COL7A1: variants seen among roughly 807,000 people sequenced by gnomAD.
COL7A1 encodes collagen alpha-1(VII) chain.
In COL7A1, 296 loss-of-function variants were observed where a neutral mutation model predicts 456.2. The ratio of observed to expected loss-of-function variants is 0.65; its 90% CI spans 0.59 to 0.71. COL7A1 has a LOEUF of 0.71. COL7A1 is among the 30% of genes least tolerant of loss of function. The pLI is 0.00. For synonymous variants in COL7A1, 1,464 were observed against 1,525.9 expected (o/e 0.96, Z 0.95); for missense variants, 3,441 against 4,017.2 (o/e 0.86, Z 3.88).
Position 48,567,288 on chromosome 3 carries a change from C to G in COL7A1, c.8047-98G>C. The G allele has an allele frequency of 6.8e-7, 1 of 1,459,968 alleles. No homozygotes were observed. The highest frequency in any genetic ancestry group is 9.5e-7 in the Non-Finnish European group (1 of 1,050,888). The allele number at this position is 1,459,968 out of a possible 1,614,324, so 90.4% of individuals were successfully genotyped here. ...TGAGCTCCCTGGCCTAATGCCCAAACCTTCTGTAACCCAAGCACCTGTGAG... is the reference window on the plus strand; with the variant it reads ...TGAGCTCCCTGGCCTAATGCCCAAAGCTTCTGTAACCCAAGCACCTGTGAG... On this transcript the variant is annotated intron_variant, in intron 109 of 118. Transcript: ENST00000681320. This position sits in a 1 kb window ranked among gnomAD's most constrained non-coding sequence, Gnocchi z 4.3.
chr3:48,583,446 G>A lies in COL7A1; in HGVS notation c.4402-18C>T. 1.2e-6 allele frequency: 2 copies of A among 1,614,150 alleles called. No individual in the cohort carries two copies. Among genetic ancestry groups the A allele is most frequent in the Non-Finnish European group, 8.5e-7 (1 of 1,180,018 alleles). On this transcript the variant is annotated intron_variant, in intron 41 of 118. Transcript: ENST00000681320. The surrounding 1 kb of genome is among the most constrained non-coding windows in gnomAD (Gnocchi z 5.1). The stretch of plus-strand genomic sequence containing the variant: ...CGTGGGCCCTGGAAGGGATGAATTT[G>A]GGGGTTCAGAGATTTGGGTTTGGGC...
In COL7A1 at chr3:48,591,987, G is replaced by C. The variant is rs147947287; in HGVS notation, c.1268C>G (p.Pro423Arg). The C allele has an allele frequency of 6.2e-7, 1 of 1,614,200 alleles. No individual in the cohort carries two copies. Among genetic ancestry groups the C allele is most frequent in the Admixed American group, 1.7e-5 (1 of 60,034 alleles). The change falls in exon 11 of 119, where the codon CCG (proline) becomes CGG (arginine). Residue 423 changes from proline to arginine, a missense_variant. Physicochemically the swap from Pro to Arg is moderately radical, Grantham distance 103. Around this residue, in one of 3 missense-constraint regions of COL7A1, gnomAD observed 913 missense variants for 1,088.2 expected, o/e 0.84. Coordinates refer to ENST00000681320, the MANE Select transcript of COL7A1 (RefSeq NM_000094.4). The surrounding 1 kb of genome is among the most constrained non-coding windows in gnomAD (Gnocchi z 7.0). ...GATGGATGTGGGGCCCAGGATGACC[G>C]GGCGCAGGGTCTGCTCAACAGAAGC... ...TDASVEQTLR[P>R]VILGPTSILL... is the part of the protein sequence containing the mutation.
chr3:48,566,166 C>T lies in COL7A1; in HGVS notation c.8407+101G>A, dbSNP rs997284612. ...GTCCTTCTGTGTATCCATCCATCCCCCCATCTTCTTGACTGCTTGCCCTGT... is the reference window on the plus strand; with the variant it reads ...GTCCTTCTGTGTATCCATCCATCCCTCCATCTTCTTGACTGCTTGCCCTGT... On this transcript the variant is annotated intron_variant, in intron 114 of 118. Coordinates refer to ENST00000681320, the MANE Select transcript of COL7A1 (RefSeq NM_000094.4). This position sits in a 1 kb window ranked among gnomAD's most constrained non-coding sequence, Gnocchi z 5.9. 14 of 1,250,056 alleles carry T rather than the reference C, an allele frequency of 1.1e-5. No homozygotes were observed. Among genetic ancestry groups the T allele is most frequent in the Admixed American group, 4.0e-5 (2 of 50,558 alleles). The allele number at this position is 1,250,056 out of a possible 1,614,324, so 77.4% of individuals were successfully genotyped here.
chr3:48,584,128 G>T, intron 37 of COL7A1, 67 bp from the exon 38 acceptor site: 1 of 1,612,776 alleles, frequency 6.2e-7, no homozygotes, highest in Admixed American at 1.7e-5. Context: ...CAGGAGTGAT[G>T]AGGGTCATGG....
rs2043676503 is a variant in COL7A1, at chr3:48,567,825, A to C, written c.7929+13T>G. Reference sequence around the variant, plus strand: ...CAGGCCACGTAGCCCCCCAGCCCCCATCCCCTCTGTACCTTGTCTCCCTTC... The same window carrying C: ...CAGGCCACGTAGCCCCCCAGCCCCCCTCCCCTCTGTACCTTGTCTCCCTTC... On this transcript the variant is annotated intron_variant, in intron 107 of 118. Transcript: ENST00000681320. The surrounding 1 kb of genome is among the most constrained non-coding windows in gnomAD (Gnocchi z 4.3). 2 of 1,610,826 alleles carry C rather than the reference A, an allele frequency of 1.2e-6. No homozygotes were observed. Among genetic ancestry groups the C allele is most frequent in the East Asian group, 2.2e-5 (1 of 44,758 alleles).
In COL7A1 at chr3:48,590,414, C is replaced by T. The variant is rs779045670; in HGVS notation, c.1906+45G>A. ...TGCCTGTCCCCTCTGGCACCCATAC[C>T]CTCATTGGTCCCTTTGGCAGTCCCC... On this transcript the variant is annotated intron_variant, in intron 15 of 118. Transcript: ENST00000681320. This position sits in a 1 kb window ranked among gnomAD's most constrained non-coding sequence, Gnocchi z 4.6. The T allele has an allele frequency of 3.1e-6, 5 of 1,613,906 alleles. No homozygotes were observed. Among genetic ancestry groups the T allele is most frequent in the East Asian group, 2.2e-5 (1 of 44,896 alleles).
Position 48,587,485 on chromosome 3 carries a change from C to T in COL7A1, c.2927G>A (p.Trp976Ter), listed in dbSNP as rs756173722. The T allele has an allele frequency of 1.2e-6, 2 of 1,613,342 alleles. No homozygotes were observed. Among genetic ancestry groups the T allele is most frequent in the South Asian group, 2.2e-5 (2 of 91,080 alleles). ...GCTGGATGCCCTGGACACTGGAGTC[C>T]AGGCCAAAGTCACCGAGTCGATCGA... ...DTSIDSVTLA[W>*]TPVSRASSYI... Residue 976 changes from tryptophan (W) to a stop codon, truncating the protein, a stop_gained, in exon 23 of 119, where the codon TGG (tryptophan) becomes TAG (stop). Transcript: ENST00000681320. LOFTEE classifies it high-confidence loss of function. This position sits in a 1 kb window ranked among gnomAD's most constrained non-coding sequence, Gnocchi z 6.1.
In COL7A1 at chr3:48,568,789, G is replaced by T; in HGVS notation, c.7753C>A (p.Pro2585Thr). ...GGGCCTGGGGCAGAACTTGCCTGGG[G>T]TCCCAGGAGTCCACGCAGTCCTGGC... The part of the protein sequence containing the change: ...GLPGLRGLLG[P>T]QGQPGAAGIP... The change falls in exon 104 of 119, where the codon CCC becomes ACC. Residue 2585 changes from proline to threonine, a missense_variant. Physicochemically the swap from Pro to Thr is conservative, Grantham distance 38. Coordinates refer to ENST00000681320, the MANE Select transcript of COL7A1 (RefSeq NM_000094.4). The surrounding 1 kb of genome is among the most constrained non-coding windows in gnomAD (Gnocchi z 5.2). 6.4e-7 allele frequency: 1 copy of T among 1,567,878 alleles called. No homozygotes were observed. The highest frequency in any genetic ancestry group is 8.7e-7 in the Non-Finnish European group (1 of 1,155,384).
In COL7A1 at chr3:48,564,305, A is replaced by C. The variant is rs2043510803; in HGVS notation, c.*101T>G. 2.2e-6 allele frequency: 3 copies of C among 1,378,346 alleles called. No homozygotes were observed. The Admixed American group carries it at 5.1e-5, about 23-fold the overall frequency. 85.4% of individuals were successfully genotyped at this position (1,378,346 alleles called of 1,614,324 possible). A position where few individuals can be genotyped will look rare whatever the true frequency, so the allele number is the denominator to read the frequency against. Reference sequence around the variant, plus strand: ...ATAACGGACGTGCACACGCACGCTCACGTGCACACAAGCCTCTAGCACCAA... The same window carrying C: ...ATAACGGACGTGCACACGCACGCTCCCGTGCACACAAGCCTCTAGCACCAA... On this transcript the variant is annotated 3_prime_UTR_variant, in exon 119 of 119. Coordinates refer to ENST00000681320, the MANE Select transcript of COL7A1 (RefSeq NM_000094.4). This position sits in a 1 kb window ranked among gnomAD's most constrained non-coding sequence, Gnocchi z 6.0.
In COL7A1 at chr3:48,591,720, A is replaced by C. The variant is rs2045714432; in HGVS notation, c.1460T>G (p.Leu487Arg). The change falls in exon 12 of 119, where the codon CTG becomes CGG. Residue 487 changes from leucine to arginine, a missense_variant. Around this residue, in one of 3 missense-constraint regions of COL7A1, gnomAD observed 913 missense variants for 1,088.2 expected, o/e 0.84. Transcript: ENST00000681320. The surrounding 1 kb of genome is among the most constrained non-coding windows in gnomAD (Gnocchi z 7.0). ...GGTGGCCACCTCGTGGCCCTCCAGC[A>C]GAGTGTAGAGTGTGAGGCGGTACTC... The part of the protein sequence containing the change: ...GTEYRLTLYT[L>R]LEGHEVATPA... The C allele has an allele frequency of 6.2e-7, 1 of 1,614,164 alleles. No homozygotes were observed. The highest frequency in any genetic ancestry group is 1.3e-5 in the African/African-American group (1 of 75,060).
chr3:48,568,796 G>T lies in COL7A1; in HGVS notation c.7746C>A (p.Leu2582=), dbSNP rs567022011. ...GSAGLPGLRG[L]LGPQGQPGAA... ...GGGCAGAACTTGCCTGGGGTCCCAG[G>T]AGTCCACGCAGTCCTGGCAACCCGG... The change falls in exon 104 of 119, where the codon CTC becomes CTA. Residue 2582 remains leucine (L), a synonymous_variant. Coordinates refer to ENST00000681320, the MANE Select transcript of COL7A1 (RefSeq NM_000094.4). The surrounding 1 kb of genome is among the most constrained non-coding windows in gnomAD (Gnocchi z 5.2). The T allele has an allele frequency of 2.6e-5, 41 of 1,570,610 alleles. No homozygotes were observed. The highest frequency in any genetic ancestry group is 3.5e-5 in the Non-Finnish European group (41 of 1,156,880).
rs750672661 is a variant in COL7A1 at position 48,569,803 on chromosome 3, C to T, written c.7522-43G>A. 1.9e-5 allele frequency: 30 copies of T among 1,614,014 alleles called. No homozygotes were observed. The Admixed American group carries it at 3.0e-4, about 16-fold the overall frequency. On this transcript the variant is annotated intron_variant, in intron 100 of 118. Transcript: ENST00000681320. The surrounding 1 kb of genome is among the most constrained non-coding windows in gnomAD (Gnocchi z 4.9). ...GTGAGTCCCGCCCAAACTGGGGAGGCCCCGCACCTGAATTCTAATATCATA... is the reference window on the plus strand; with the variant it reads ...GTGAGTCCCGCCCAAACTGGGGAGGTCCCGCACCTGAATTCTAATATCATA...
rs1316525597 is a variant in COL7A1 at position 48,591,175 on chromosome 3, G to A, written c.1636+289C>T. 6.6e-6 allele frequency among the ~76,000 whole-genome samples: 1 copy of A among 152,160 alleles called. No individual in the cohort carries two copies. Among genetic ancestry groups the A allele is most frequent in the Non-Finnish European group, 1.5e-5 (1 of 68,022 alleles). On this transcript the variant is annotated intron_variant, in intron 13 of 118. Coordinates refer to ENST00000681320, the MANE Select transcript of COL7A1 (RefSeq NM_000094.4). The surrounding 1 kb of genome is among the most constrained non-coding windows in gnomAD (Gnocchi z 7.0). ...TGCAATGAGAGGTTGGTGTACAGTG[G>A]TCACCACTAGGGTAACAGAAAGACA...
rs746399692 is a variant in COL7A1 at position 48,587,183 on chromosome 3, A to G, written c.3139+7T>C. On this transcript the variant is annotated splice_region_variant and intron_variant, in intron 24 of 118. Coordinates refer to ENST00000681320, the MANE Select transcript of COL7A1 (RefSeq NM_000094.4). The surrounding 1 kb of genome is among the most constrained non-coding windows in gnomAD (Gnocchi z 6.1). ...CCTTTCTGCCCTTCCCACTACGCCC[A>G]CTATACCTGGCGTCTGTGTGACAGA... 1.9e-6 allele frequency: 3 copies of G among 1,613,178 alleles called. No homozygotes were observed. In the African/African-American group the frequency reaches 4.0e-5, roughly 22 times the overall value.
In COL7A1 at chr3:48,581,897, C is replaced by T. The variant is rs2044786331; in HGVS notation, c.4668+14G>A. The T allele has an allele frequency of 3.1e-6, 5 of 1,614,102 alleles. No individual in the cohort carries two copies. Among genetic ancestry groups the T allele is most frequent in the Middle Eastern group, 3.3e-4 (2 of 6,062 alleles). On this transcript the variant is annotated intron_variant, in intron 48 of 118. Coordinates refer to ENST00000681320, the MANE Select transcript of COL7A1 (RefSeq NM_000094.4). This position sits in a 1 kb window ranked among gnomAD's most constrained non-coding sequence, Gnocchi z 5.8. ...ACCCTGTAGAAACCTCCCCTTGCCC[C>T]ATACCAGGCTTACCTTTTCTCCTTT... is the stretch of plus-strand genomic sequence containing the variant.
Position 48,587,928 on chromosome 3 carries a change from G to C in COL7A1, c.2722C>G (p.Gln908Glu). The stretch of plus-strand genomic sequence containing the variant: ...AGCTCGGGCCCCAGGACCCGGGACT[G>C]TTCCTGGCCACCTGGGGCAGGCGTG... Reference protein sequence around the residue: ...LHWQPEGGQEQSRVLGPELSS... With the variant: ...LHWQPEGGQEESRVLGPELSS... The change falls in exon 22 of 119, where the codon CAG becomes GAG. Residue 908 changes from glutamine (Q) to glutamate (E), a missense_variant. Transcript: ENST00000681320. The surrounding 1 kb of genome is among the most constrained non-coding windows in gnomAD (Gnocchi z 6.1). 3 of 1,596,050 alleles carry C rather than the reference G, an allele frequency of 1.9e-6. No homozygotes were observed. Among genetic ancestry groups the C allele is most frequent in the South Asian group, 2.3e-5 (2 of 88,818 alleles).
In COL7A1 at chr3:48,579,812, T is replaced by C; in HGVS notation, c.5127A>G (p.Val1709=). The C allele has an allele frequency of 6.2e-7, 1 of 1,613,956 alleles. No homozygotes were observed. The highest frequency in any genetic ancestry group is 8.5e-7 in the Non-Finnish European group (1 of 1,179,976). The change falls in exon 58 of 119, where the codon GTA becomes GTG. Residue 1709 remains valine, a splice_region_variant and synonymous_variant. Coordinates refer to ENST00000681320, the MANE Select transcript of COL7A1 (RefSeq NM_000094.4). This position sits in a 1 kb window ranked among gnomAD's most constrained non-coding sequence, Gnocchi z 4.4. ...TCTCTCTGGCTCCAGGTCCTGTGTC[T>C]ACCTGTGGGGGGAATGACCAGTGAG... ...PGPPGPPGRL[V]DTGPGAREKG...
chr3:48,580,793 T>C lies in COL7A1; in HGVS notation c.4980+89A>G. On this transcript the variant is annotated intron_variant, in intron 54 of 118. Transcript: ENST00000681320. The surrounding 1 kb of genome is among the most constrained non-coding windows in gnomAD (Gnocchi z 4.5). Reference sequence around the variant, plus strand: ...TCACCCCATGCCTCCCTGCAGGGACTCCCATCACCCCTTACCCCCCTCAGC... The same window carrying C: ...TCACCCCATGCCTCCCTGCAGGGACCCCCATCACCCCTTACCCCCCTCAGC... 6.3e-7 allele frequency: 1 copy of C among 1,578,118 alleles called. No individual in the cohort carries two copies.
Position 48,588,249 on chromosome 3 carries a change from G to A in COL7A1, c.2710+33C>T. 1 of 1,612,748 alleles carries A rather than the reference G, an allele frequency of 6.2e-7. No homozygotes were observed. Among genetic ancestry groups the A allele is most frequent in the African/African-American group, 1.3e-5 (1 of 74,982 alleles). On this transcript the variant is annotated intron_variant, in intron 21 of 118. Coordinates refer to ENST00000681320, the MANE Select transcript of COL7A1 (RefSeq NM_000094.4). The surrounding 1 kb of genome is among the most constrained non-coding windows in gnomAD (Gnocchi z 4.6). The stretch of plus-strand genomic sequence containing the variant: ...AGTCTGCCACAGCCCTGCCCCCAAT[G>A]GTCCCTAACTTCCTCCTGGGGACAC...
Sources: gnomAD v4.1 joint callset for allele counts (sites outside exome capture counted in the v4.1 genomes callset) on GRCh38, gnomAD v4.1.1 for gene constraint, gnomAD v4.1.1 regional missense constraint, Gnocchi (gnomAD v3.1) non-coding constraint, MANE v1.5 for transcripts, NCBI Gene and HGNC (gene_info 2026-07-23, HGNC 2026-07-21) for gene names.